The following PCDH9 variants were observed in gnomAD, a reference collection of about 807,000 sequenced individuals.
PCDH9 encodes protocadherin 9.
A neutral mutation model predicts 70.6 loss-of-function variants in PCDH9; 24 were observed. The ratio of observed to expected loss-of-function variants is 0.34; its 90% CI spans 0.25 to 0.48. The LOEUF (loss-of-function observed/expected upper bound fraction) is 0.48. Ranked by LOEUF, PCDH9 falls within the 20% of genes least tolerant of loss-of-function variation. The pLI, the probability that PCDH9 is intolerant of heterozygous loss-of-function variation, is 0.99. For synonymous variants in PCDH9, 562 were observed against 558.5 expected (o/e 1.01, Z -0.09); for missense variants, 1,281 against 1,503.6 (o/e 0.85, Z 2.45).
At chr13:66,733,429 T>G (rs1662901133) in intron 3 of PCDH9, among the ~76,000 whole-genome samples, 1 of 152,148 alleles carries the variant, frequency 6.6e-6, no homozygotes, top group African/African-American at 2.4e-5. Flanking sequence ...ATGGATAAAT[T>G]TATTAATCTT....
chr13:66,538,129 A>G (rs1029945608), intron 4 of PCDH9, among the ~76,000 whole-genome samples: 3 of 152,112 alleles, frequency 2.0e-5, no homozygotes, highest in Non-Finnish European at 4.4e-5. Flanking sequence ...GACAATACAA[A>G]TGTTTCACTT....
chr13:66,920,507 A>G (rs1430892526), intron 2 of PCDH9, among the ~76,000 whole-genome samples: 1 of 151,000 alleles, frequency 6.6e-6, no homozygotes, highest in East Asian at 1.9e-4. Context: ...ATAATTTCTT[A>G]TATTAATAAC....
At chr13:66,571,689 A>C (rs2076735490) in intron 4 of PCDH9, among the ~76,000 whole-genome samples, 1 of 152,122 alleles carries the variant, frequency 6.6e-6, no homozygotes. Context: ...AGCTTATGAG[A>C]TAGTAAGTTG....
intron 4 of PCDH9, among the ~76,000 whole-genome samples, chr13:66,581,308 G>C (rs2076888791): frequency 6.6e-6 from 1 of 152,130 alleles, no homozygotes; most frequent in Non-Finnish European, 1.5e-5. Context: ...CTATGGATGA[G>C]CTAAAATAAG....
chr13:67,084,817 A>G (rs574759718), intron 2 of PCDH9, among the ~76,000 whole-genome samples: 9 of 150,752 alleles, frequency 6.0e-5, no homozygotes, highest in African/African-American at 2.0e-4. Flanking sequence ...AAATATAAAA[A>G]TTAGCTGGGC....
intron 3 of PCDH9, among the ~76,000 whole-genome samples, chr13:66,797,051 A>G (rs1256849827): frequency 6.6e-6 from 1 of 152,148 alleles, no homozygotes; most frequent in East Asian, 1.9e-4. Context: ...GCTAGTTCAT[A>G]GGTTGAGATA....
intron 3 of PCDH9, among the ~76,000 whole-genome samples, chr13:66,699,492 A>T (rs1227087811): frequency 1.3e-5 from 2 of 152,166 alleles, no homozygotes; most frequent in African/African-American, 4.8e-5. Context: ...ATTCAATGAC[A>T]AGTGTCCGTA....
intron 2 of PCDH9, among the ~76,000 whole-genome samples, chr13:67,092,112 C>G (rs989677060): frequency 7.9e-5 from 12 of 152,042 alleles, no homozygotes; most frequent in Admixed American, 2.0e-4. Flanking sequence ...TTTAAATTAA[C>G]TTATTTTCAT....
rs1009418232 is a variant in PCDH9 at position 66,838,966 on chromosome 13, C to T, written c.3138+64538G>A. Among the ~76,000 whole-genome samples the T allele has an allele frequency of 3.8e-4, 58 of 151,962 alleles. 1 individual carries two copies. The highest frequency in any genetic ancestry group is 1.4e-3 in the African/African-American group (56 of 41,408). On this transcript the variant is annotated intron_variant, in intron 3 of 4. Coordinates refer to ENST00000377865, the MANE Select transcript of PCDH9 (RefSeq NM_203487.3). ...GAACTAGTGCAAAGAAACTAACTCC[C>T]TCAAATGATTATCCAATCTGTGCTT...
intron 4 of PCDH9, among the ~76,000 whole-genome samples, chr13:66,499,450 TA>T (rs1053067361): frequency 3.9e-5 from 6 of 152,190 alleles, no homozygotes; most frequent in Non-Finnish European, 7.3e-5. Context: ...TCTGATTAAC[TA>T]GCTATGTGAC....
intron 4 of PCDH9, among the ~76,000 whole-genome samples, chr13:66,389,952 GAC>G (rs1180388203): frequency 2.0e-5 from 3 of 151,910 alleles, no homozygotes; most frequent in Admixed American, 6.6e-5. Context: ...GTACCACATA[GAC>G]ACACACACAC....
rs1593962223 is a variant in PCDH9, at chr13:66,427,628, A to G, written c.3341-122600T>C. ...CAGAATGGCTTCCTTTCTTCAGTAC[A>G]GATTTTCAGAACAGAAAATATAAAA... On this transcript the variant is annotated intron_variant, in intron 4 of 4. Transcript: ENST00000377865. Among the ~76,000 whole-genome samples the G allele has an allele frequency of 3.3e-5, 5 of 151,922 alleles. No individual in the cohort carries two copies. In the East Asian group the frequency reaches 9.7e-4, roughly 29 times the overall value.
At chr13:66,453,076 A>G (rs969291218) in intron 4 of PCDH9, among the ~76,000 whole-genome samples, 3 of 152,152 alleles carry the variant, frequency 2.0e-5, no homozygotes, top group African/African-American at 7.2e-5. Flanking sequence ...ACATTCTAAA[A>G]TAATTTTCTG....
At chr13:66,619,118 A>G (rs111528377) in intron 4 of PCDH9, among the ~76,000 whole-genome samples, 5 of 152,298 alleles carry the variant, frequency 3.3e-5, no homozygotes, top group African/African-American at 1.2e-4. Context: ...TGCTTGTTTT[A>G]TATCAATAGC....
chr13:66,983,462 G>T (rs1311062214), intron 2 of PCDH9, among the ~76,000 whole-genome samples: 1 of 151,814 alleles, frequency 6.6e-6, no homozygotes, highest in Admixed American at 6.6e-5. Context: ...AAAAATAAAA[G>T]GAGAAAACAG....
intron 2 of PCDH9, among the ~76,000 whole-genome samples, chr13:67,137,828 T>G (rs1405342668): frequency 6.6e-6 from 1 of 152,140 alleles, no homozygotes; most frequent in Non-Finnish European, 1.5e-5. Context: ...TGTCCATAAT[T>G]GATTACTTGG....
At chr13:66,816,538 C>A (rs2080608698) in intron 3 of PCDH9, among the ~76,000 whole-genome samples, 1 of 152,154 alleles carries the variant, frequency 6.6e-6, no homozygotes, top group African/African-American at 2.4e-5. Context: ...CATTAATGTT[C>A]TCTTCCTACC....
rs773132480 is a variant in PCDH9 at position 67,227,213 on chromosome 13, G to A, written c.1228C>T (p.His410Tyr). The A allele has an allele frequency of 3.7e-6, 6 of 1,613,662 alleles. No homozygotes were observed. The highest frequency in any genetic ancestry group is 1.1e-5 in the South Asian group (1 of 91,070). ...TGGTTGTCATATACCGCCTTCAAATGAAATGGGACCTCTCTTTCAATAAAA... is the reference window on the plus strand; with the variant it reads ...TGGTTGTCATATACCGCCTTCAAATAAAATGGGACCTCTCTTTCAATAAAA... Reference protein sequence around the residue: ...ICFIEREVPFHLKAVYDNQYL... With the variant: ...ICFIEREVPFYLKAVYDNQYL... Residue 410 changes from histidine to tyrosine, a missense_variant, in exon 2 of 5, where the codon CAT becomes TAT. Around this residue, in one of 4 missense-constraint regions of PCDH9, gnomAD observed 798 missense variants for 1,003.1 expected, o/e 0.80. Transcript: ENST00000377865. The surrounding 1 kb of genome is among the most constrained non-coding windows in gnomAD (Gnocchi z 4.6).
intron 3 of PCDH9, among the ~76,000 whole-genome samples, chr13:66,676,636 G>T (rs115170166): frequency 6.6e-6 from 1 of 151,902 alleles, no homozygotes; most frequent in African/African-American, 2.4e-5. Flanking sequence ...TTCATATATC[G>T]TCACTTCTCT....
Sources: gnomAD v4.1 joint callset for allele counts (sites outside exome capture counted in the v4.1 genomes callset) on GRCh38, gnomAD v4.1.1 for gene constraint, gnomAD v4.1.1 regional missense constraint, Gnocchi (gnomAD v3.1) non-coding constraint, MANE v1.5 for transcripts, NCBI Gene and HGNC (gene_info 2026-07-23, HGNC 2026-07-21) for gene names.